The following DZIP3 variants were observed in gnomAD, a reference collection of about 807,000 sequenced individuals.
DZIP3 encodes the protein DAZ interacting zinc finger protein 3.
Under a neutral mutation model 162.0 loss-of-function variants are expected in DZIP3, and 118 were observed. The observed-to-expected ratio is 0.73, with a 90% CI of 0.63 to 0.85. The LOEUF is 0.85. Ranked by LOEUF, DZIP3 falls within the 40% of genes least tolerant of loss-of-function variation. DZIP3 has a pLI of 0.00. For missense variants in DZIP3, 1,331 were observed against 1,407.0 expected (o/e 0.95, Z 0.86); for synonymous variants, 438 against 458.6 (o/e 0.96, Z 0.57).
chr3:108,684,774 A>C (rs897369540), intron 27 of DZIP3, among the ~76,000 whole-genome samples: 1 of 152,174 alleles, frequency 6.6e-6, no homozygotes, highest in African/African-American at 2.4e-5. Flanking sequence ...ACAGTATTTC[A>C]AGTGTATCTA....
intron 26 of DZIP3, among the ~76,000 whole-genome samples, chr3:108,680,918 A>G (rs1355101219): frequency 6.6e-6 from 1 of 151,994 alleles, no homozygotes; most frequent in African/African-American, 2.4e-5. Flanking sequence ...AAAAACTGGA[A>G]CCCTTCCTTA....
intron 5 of DZIP3, 141 bp downstream of exon 5, chr3:108,616,798 AT>A: frequency 1.7e-6 from 1 of 581,116 alleles, no homozygotes; most frequent in Non-Finnish European, 3.0e-6. Flanking sequence ...GTATGTATAA[AT>A]TGATTGCCTT....
At chr3:108,607,952 C>T (rs1041654839) in intron 2 of DZIP3, 137 bp from the exon 3 acceptor site, 1 of 718,534 alleles carries the variant, frequency 1.4e-6, no homozygotes, top group Non-Finnish European at 2.4e-6. Context: ...AGATATGGCA[C>T]CTACCACCAT....
At position 108,625,807 on chromosome 3, in the gene DZIP3, C is replaced by G. The variant is rs773012565; in HGVS notation, c.457-38C>G. 5.3e-6 allele frequency: 8 copies of G among 1,500,472 alleles called. No homozygotes were observed. In the South Asian group the frequency reaches 1.1e-4, roughly 21 times the overall value. 92.9% of individuals were successfully genotyped at this position (1,500,472 alleles called of 1,614,324 possible). On this transcript the variant is annotated intron_variant, in intron 6 of 32. Coordinates refer to ENST00000361582, the MANE Select transcript of DZIP3 (RefSeq NM_014648.4). ...TTTATTGTAAAAAAAAAAAAAATGA[C>G]TTTTACAGTAGCCAAACCTAGTTTT...
chr3:108,640,535 T>G (rs553794799), intron 12 of DZIP3, among the ~76,000 whole-genome samples: 1 of 147,006 alleles, frequency 6.8e-6, no homozygotes, highest in South Asian at 2.3e-4. Context: ...AATCTCCACC[T>G]CCCAGGTTCA....
chr3:108,613,120 T>C (rs1180853132), intron 4 of DZIP3, among the ~76,000 whole-genome samples: 1 of 152,084 alleles, frequency 6.6e-6, no homozygotes, highest in African/African-American at 2.4e-5. Context: ...TAAAACTTTC[T>C]AAAACTCTAT....
chr3:108,607,091 G>T (rs1319294173), intron 2 of DZIP3, among the ~76,000 whole-genome samples: 1 of 152,134 alleles, frequency 6.6e-6, no homozygotes, highest in Non-Finnish European at 1.5e-5. Context: ...GGCAAGTGGG[G>T]CTTGGAAGTG....
intron 21 of DZIP3, 97 bp downstream of exon 21, chr3:108,662,354 T>C: frequency 7.2e-7 from 1 of 1,393,580 alleles, no homozygotes; most frequent in Non-Finnish European, 9.5e-7. Flanking sequence ...GCACTGTGAC[T>C]ACACATTAGG....
intron 5 of DZIP3, among the ~76,000 whole-genome samples, chr3:108,620,266 A>AG (rs1284440647): frequency 6.6e-6 from 1 of 152,220 alleles, no homozygotes; most frequent in East Asian, 1.9e-4. Context: ...TTGGTCATCT[A>AG]GGTACCTGCT....
Position 108,624,448 on chromosome 3 carries a change from A to G in DZIP3, c.380A>G (p.His127Arg), listed in dbSNP as rs547815580. The change falls in exon 6 of 33, where the codon CAC (histidine) becomes CGC (arginine). Residue 127 changes from histidine to arginine, a missense_variant. His to Arg is a conservative substitution (Grantham distance 29). Transcript: ENST00000361582. ...RNIQAGNYTA[H>R]QINIGYYLTL... is the part of the protein sequence containing the mutation. ...AACATATTTTTTTCTTTGTAGGCACACCAGATTAATATTGGTTATTATTTG... is the reference window on the plus strand; with the variant it reads ...AACATATTTTTTTCTTTGTAGGCACGCCAGATTAATATTGGTTATTATTTG... The G allele has an allele frequency of 8.2e-6, 13 of 1,585,130 alleles. No homozygotes were observed. In the African/African-American group the frequency reaches 1.5e-4, roughly 18 times the overall value.
chr3:108,659,596 C>G (rs543184042), intron 19 of DZIP3, among the ~76,000 whole-genome samples: 4 of 151,934 alleles, frequency 2.6e-5, no homozygotes, highest in African/African-American at 7.2e-5. Context: ...GATGCCCTCT[C>G]TCACCACTCC....
At chr3:108,634,233 T>C (rs1942034379) in intron 9 of DZIP3, among the ~76,000 whole-genome samples, 1 of 152,094 alleles carries the variant, frequency 6.6e-6, no homozygotes, top group Non-Finnish European at 1.5e-5. Flanking sequence ...TTGGTTTAGA[T>C]GACATGGTGA....
chr3:108,689,933 G>T (rs199870186), intron 31 of DZIP3, among the ~76,000 whole-genome samples: 269 of 152,272 alleles, frequency 1.8e-3, no homozygotes, highest in African/African-American at 6.1e-3. Context: ...TCAAAGATAT[G>T]ATATGTGGTA....
intron 1 of DZIP3, among the ~76,000 whole-genome samples, chr3:108,598,277 G>A (rs915245471): frequency 3.3e-5 from 5 of 151,954 alleles, no homozygotes; most frequent in African/African-American, 9.7e-5. Flanking sequence ...CTGCTCTTAC[G>A]GATTTATTAG....
At position 108,631,556 on chromosome 3, in the gene DZIP3, A is replaced by ATT. The variant is rs1553705442; in HGVS notation, c.697-1397_697-1396insTT. Among the ~76,000 whole-genome samples, 313 of 146,454 alleles carry ATT rather than the reference A, an allele frequency of 2.1e-3. 1 individual carries two copies. Among genetic ancestry groups the ATT allele is most frequent in the African/African-American group, 6.5e-3 (258 of 39,736 alleles). ...TGCACTTGGCTAATTTTTTAAAAAA[A>ATT]ATTATTATTATTATTATTATTATTC... On this transcript the variant is annotated intron_variant, in intron 8 of 32. Coordinates refer to ENST00000361582, the MANE Select transcript of DZIP3 (RefSeq NM_014648.4).
Position 108,644,717 on chromosome 3 carries a change from A to G in DZIP3, c.1695A>G (p.Leu565=), listed in dbSNP as rs190727792. ...IENISLDYHQ[L]SVYLGIPVPE... is the part of the protein sequence containing the mutation. ...ATATCTCCCTTGATTACCATCAGCT[A>G]TCTGTCTACCTAGGCATACCAGTAC... Residue 565 remains leucine, a synonymous_variant, in exon 14 of 33, where the codon CTA becomes CTG. Coordinates refer to ENST00000361582, the MANE Select transcript of DZIP3 (RefSeq NM_014648.4). 2.6e-4 allele frequency: 424 copies of G among 1,612,350 alleles called. No homozygotes were observed. Among genetic ancestry groups the G allele is most frequent in the Admixed American group, 2.0e-3 (119 of 60,018 alleles).
chr3:108,601,544 G>A (rs1033398567), intron 1 of DZIP3, among the ~76,000 whole-genome samples: 5 of 152,122 alleles, frequency 3.3e-5, no homozygotes, highest in African/African-American at 1.2e-4. Flanking sequence ...TTTCCACACC[G>A]ATACTCACTT....
intron 15 of DZIP3, among the ~76,000 whole-genome samples, chr3:108,647,270 A>G (rs1280117393): frequency 2.0e-5 from 3 of 152,198 alleles, no homozygotes; most frequent in African/African-American, 7.2e-5. Context: ...GTTTATAGCT[A>G]TATACTTTTT....
rs1199065629 is a variant in DZIP3 at position 108,654,173 on chromosome 3, T to C, written c.2062T>C (p.Leu688=). The C allele has an allele frequency of 1.2e-6, 2 of 1,613,434 alleles. No homozygotes were observed. Among genetic ancestry groups the C allele is most frequent in the South Asian group, 2.2e-5 (2 of 91,068 alleles). ...ATATGTGGTAGAAAAGGAAGAGCAG[T>C]TGAGGAAAGAACAAGCAAATCCACA... ...VPYVVEKEEQ[L]RKEQANPHSV... is the part of the protein sequence containing the mutation. Residue 688 remains leucine (L), a synonymous_variant, in exon 19 of 33, where the codon TTG becomes CTG. Coordinates refer to ENST00000361582, the MANE Select transcript of DZIP3 (RefSeq NM_014648.4).
Sources: gnomAD v4.1 joint callset for allele counts (sites outside exome capture counted in the v4.1 genomes callset) on GRCh38, gnomAD v4.1.1 for gene constraint, MANE v1.5 for transcripts, NCBI Gene and HGNC (gene_info 2026-07-23, HGNC 2026-07-21) for gene names.